Variants in TTC9C observed in about 807,000 individuals in gnomAD.
The protein encoded by TTC9C is tetratricopeptide repeat protein 9C.
TTC9C carries 15 observed loss-of-function variants against 22.5 expected under a neutral mutation model. The observed-to-expected ratio is 0.67, with a 90% CI of 0.45 to 1.03. The LOEUF (loss-of-function observed/expected upper bound fraction) is 1.03, where lower values mean the gene tolerates loss of function less well. Ranked by LOEUF, TTC9C falls within the 50% of genes least tolerant of loss-of-function variation. TTC9C has a pLI of 0.00. For missense variants in TTC9C, 244 were observed against 214.6 expected, an observed-to-expected ratio of 1.14 and a Z score of -0.86; for synonymous variants, 92 against 86.8, an observed-to-expected ratio of 1.06 and a Z score of -0.33.
intron 1 of TTC9C, among the ~76,000 whole-genome samples, chr11:62,732,036 G>A (rs1401699084): frequency 1.7e-5 from 2 of 119,526 alleles, no homozygotes; most frequent in Non-Finnish European, 3.2e-5. Context: ...TCACTCTGTC[G>A]CCCAGGCTGG....
chr11:62,732,837 G>T (rs1017136325), intron 1 of TTC9C, among the ~76,000 whole-genome samples: 1 of 151,618 alleles, frequency 6.6e-6, no homozygotes, highest in Admixed American at 6.6e-5. Flanking sequence ...CAAGAGAATC[G>T]CTTGAACCTG....
At chr11:62,737,411 T>G (rs1274197247) in intron 2 of TTC9C, among the ~76,000 whole-genome samples, 1 of 152,138 alleles carries the variant, frequency 6.6e-6, no homozygotes, top group Non-Finnish European at 1.5e-5. Context: ...TTACTTTGTT[T>G]CCAAGGCAAA....
chr11:62,733,200 G>T lies in TTC9C; in HGVS notation c.239-2182G>T, dbSNP rs569538675. 73 of 1,272,752 alleles carry T rather than the reference G, an allele frequency of 5.7e-5. No homozygotes were observed. In the Admixed American group the frequency reaches 1.1e-3, roughly 19 times the overall value. The allele number at this position is 1,272,752 out of a possible 1,614,324, so 78.8% of individuals were successfully genotyped here. On this transcript the variant is annotated intron_variant, in intron 1 of 2. Coordinates refer to ENST00000316461, the MANE Select transcript of TTC9C (RefSeq NM_173810.4). ...ATTGCCTGAATTGACTCCTCTGCAG[G>T]TTTGTATTTCAAGGTCCCATTAAGT...
At chr11:62,732,277 G>A (rs541501487) in intron 1 of TTC9C, among the ~76,000 whole-genome samples, 2 of 152,182 alleles carry the variant, frequency 1.3e-5, no homozygotes, top group Admixed American at 6.5e-5. Flanking sequence ...TTACAGGCGT[G>A]AGCCACTGCG....
Position 62,735,504 on chromosome 11 carries a change from C to G in TTC9C, c.361C>G (p.Leu121Val). The change falls in exon 2 of 3, where the codon CTG (leucine) becomes GTG (valine). Residue 121 changes from leucine (L) to valine (V), a missense_variant. Physicochemically the swap from Leu to Val is conservative, Grantham distance 32 (BLOSUM62 1). Coordinates refer to ENST00000316461, the MANE Select transcript of TTC9C (RefSeq NM_173810.4). ...LYRAGVAFFH[L>V]QDYDQARHYL... Reference sequence around the variant, plus strand: ...TCGGGCCGGAGTGGCCTTTTTCCATCTGCAGGACTATGACCAGGCCCGCCA... The same window carrying G: ...TCGGGCCGGAGTGGCCTTTTTCCATGTGCAGGACTATGACCAGGCCCGCCA... The G allele has an allele frequency of 6.2e-7, 1 of 1,614,058 alleles. No homozygotes were observed. The highest frequency in any genetic ancestry group is 8.5e-7 in the Non-Finnish European group (1 of 1,179,990).
chr11:62,738,170 T>A (rs1009715754), intron 2 of TTC9C, 118 bp from the exon 3 acceptor site: 2 of 588,914 alleles, frequency 3.4e-6, no homozygotes, highest in African/African-American at 3.7e-5. Context: ...TGCGATATAT[T>A]CAGATCTTGG....
intron 1 of TTC9C, among the ~76,000 whole-genome samples, chr11:62,730,191 T>A (rs1260415312): frequency 1.3e-5 from 2 of 152,084 alleles, no homozygotes; most frequent in East Asian, 3.9e-4. Flanking sequence ...TTCTCCTGCC[T>A]GAGCCTCTGG....
At chr11:62,734,778 A>T (rs2083891554) in intron 1 of TTC9C, among the ~76,000 whole-genome samples, 2 of 151,984 alleles carry the variant, frequency 1.3e-5, no homozygotes, top group African/African-American at 4.8e-5. Context: ...CACCATGCTC[A>T]GCCGAGTTTT....
chr11:62,729,564 A>G (rs1387343484), intron 1 of TTC9C, among the ~76,000 whole-genome samples: 118 of 142,990 alleles, frequency 8.3e-4, no homozygotes, highest in African/African-American at 3.0e-3. Context: ...CACCACGCCC[A>G]GCTAATTTTT....
chr11:62,731,976 C>T lies in TTC9C; in HGVS notation c.238+2890C>T, dbSNP rs1590910837. Among the ~76,000 whole-genome samples, 8 of 145,694 alleles carry T rather than the reference C, an allele frequency of 5.5e-5. No homozygotes were observed. In the South Asian group the frequency reaches 8.7e-4, roughly 16 times the overall value. ...CTGGGATTACAGGTGTGAGCCACCG[C>T]GCCTGGTCAGCACTTTTTTTTTTTT... On this transcript the variant is annotated intron_variant, in intron 1 of 2. Transcript: ENST00000316461.
chr11:62,731,762 G>T (rs184531951), intron 1 of TTC9C, among the ~76,000 whole-genome samples: 1 of 149,538 alleles, frequency 6.7e-6, no homozygotes, highest in South Asian at 2.1e-4. Flanking sequence ...TGATCTCACC[G>T]CAAGCTCTGC....
intron 1 of TTC9C, among the ~76,000 whole-genome samples, chr11:62,733,822 T>A (rs527355531): frequency 5.9e-5 from 9 of 151,962 alleles, no homozygotes; most frequent in Non-Finnish European, 8.8e-5. Flanking sequence ...TGAAACCCCG[T>A]CTGTACTAAA....
intron 1 of TTC9C, among the ~76,000 whole-genome samples, chr11:62,730,626 T>A (rs1304155521): frequency 6.6e-6 from 1 of 152,108 alleles, no homozygotes; most frequent in African/African-American, 2.4e-5. Flanking sequence ...CAGGCTGGAG[T>A]GCAATGGCAC....
chr11:62,735,832 C>T (rs77760121), intron 2 of TTC9C: 6,350 of 283,828 alleles, frequency 0.022, 380 homozygotes, highest in African/African-American at 0.13. Context: ...GTTGGTATGT[C>T]TGTTTCATAT....
At chr11:62,735,733 A>G (rs1490488936) in intron 2 of TTC9C, 169 bp downstream of exon 2, 9 of 1,247,160 alleles carry the variant, frequency 7.2e-6, no homozygotes, top group Middle Eastern at 2.9e-4. Flanking sequence ...ACCTTTTTCC[A>G]CTCTTGTGTT....
intron 1 of TTC9C, among the ~76,000 whole-genome samples, chr11:62,730,992 G>A (rs1351032757): frequency 1.3e-5 from 2 of 151,844 alleles, no homozygotes; most frequent in Middle Eastern, 3.4e-3. Context: ...AGGTTCAAGC[G>A]ATTCTCCTGC....
intron 2 of TTC9C, 161 bp downstream of exon 2, chr11:62,735,725 C>A (rs2083903990): frequency 3.1e-6 from 4 of 1,291,502 alleles, no homozygotes; most frequent in Non-Finnish European, 1.0e-6. Context: ...ATGAACAGAC[C>A]TTTTTCCACT....
chr11:62,738,119 A>G (rs191555802), intron 2 of TTC9C, among the ~76,000 whole-genome samples, 169 bp from the exon 3 acceptor site: 1 of 152,266 alleles, frequency 6.6e-6, no homozygotes, highest in East Asian at 1.9e-4. Context: ...TTCAATTCCA[A>G]ATGTTATTAA....
intron 2 of TTC9C, among the ~76,000 whole-genome samples, chr11:62,737,607 T>G (rs2083926857): frequency 6.6e-6 from 1 of 152,218 alleles, no homozygotes; most frequent in Admixed American, 6.5e-5. Context: ...TTAATAAAGA[T>G]ATAAAATATA....
Sources: allele counts gnomAD v4.1 joint callset (sites outside exome capture counted in the v4.1 genomes callset), GRCh38; gene constraint gnomAD v4.1.1; transcripts MANE v1.5; gene names NCBI Gene and HGNC (gene_info 2026-07-23, HGNC 2026-07-21).